PIK3C2G: variants seen among roughly 807,000 people sequenced by gnomAD.
PIK3C2G encodes the protein phosphatidylinositol 3-kinase C2 domain-containing subunit gamma.
Under a neutral mutation model 181.1 loss-of-function variants are expected in PIK3C2G, and 168 were observed. The ratio of observed to expected loss-of-function variants is 0.93; its 90% CI spans 0.82 to 1.05. The LOEUF (loss-of-function observed/expected upper bound fraction) is 1.05, where lower values mean the gene tolerates loss of function less well. PIK3C2G is among the 50% of genes least tolerant of loss of function. The probability of loss-of-function intolerance (pLI) is 0.00; values close to 1 mark genes in which losing one functional copy is unlikely to be tolerated. For synonymous variants in PIK3C2G, 573 were observed against 592.2 expected, an observed-to-expected ratio of 0.97 and a Z score of 0.47; for missense variants, 1,869 against 1,732.8, an observed-to-expected ratio of 1.08 and a Z score of -1.40.
At chr12:18,589,616 A>C (rs1353241604) in intron 29 of PIK3C2G, among the ~76,000 whole-genome samples, 1 of 151,974 alleles carries the variant, frequency 6.6e-6, no homozygotes, top group Non-Finnish European at 1.5e-5. Context: ...AAATACAAAG[A>C]GGATGCCTAC....
At chr12:18,380,310 C>A (rs1592112907) in intron 13 of PIK3C2G, among the ~76,000 whole-genome samples, 1 of 152,166 alleles carries the variant, frequency 6.6e-6, no homozygotes, top group Admixed American at 6.5e-5. Flanking sequence ...ATCCTCCTCC[C>A]TCCTCACCTC....
At chr12:18,524,798 C>T (rs1260879100) in intron 24 of PIK3C2G, among the ~76,000 whole-genome samples, 3 of 151,838 alleles carry the variant, frequency 2.0e-5, no homozygotes, top group African/African-American at 4.8e-5. Context: ...AAACTCCTGA[C>T]CTCAGGTGAT....
chr12:18,395,084 CTTCTTTCT>C (rs1211076005), intron 15 of PIK3C2G, among the ~76,000 whole-genome samples: 2 of 141,482 alleles, frequency 1.4e-5, no homozygotes. Context: ...TCTTTCATTC[CTTCTTTCT>C]TTCTTTCTTT....
chr12:18,407,063 C>T (rs1271574373), intron 16 of PIK3C2G, among the ~76,000 whole-genome samples: 4 of 151,890 alleles, frequency 2.6e-5, no homozygotes, highest in Non-Finnish European at 5.9e-5. Context: ...TATTATATAC[C>T]TCCTAGGGTT....
chr12:18,644,167 T>G (rs550170086), intron 32 of PIK3C2G, among the ~76,000 whole-genome samples: 3 of 152,118 alleles, frequency 2.0e-5, no homozygotes, highest in South Asian at 4.2e-4. Context: ...TGAGCCCCAA[T>G]AGGCTTCATC....
intron 19 of PIK3C2G, among the ~76,000 whole-genome samples, chr12:18,491,138 G>A (rs1414355168): frequency 6.6e-6 from 1 of 152,140 alleles, no homozygotes; most frequent in Non-Finnish European, 1.5e-5. Context: ...TGGCGGCCAC[G>A]CAGGTCAAGT....
At chr12:18,568,827 A>G (rs1945775902) in intron 29 of PIK3C2G, among the ~76,000 whole-genome samples, 1 of 152,160 alleles carries the variant, frequency 6.6e-6, no homozygotes, top group Non-Finnish European at 1.5e-5. Context: ...GCCCCTCACC[A>G]CTTTGGTAGA....
chr12:18,632,729 A>G (rs1949404389), intron 31 of PIK3C2G, among the ~76,000 whole-genome samples: 1 of 152,176 alleles, frequency 6.6e-6, no homozygotes, highest in African/African-American at 2.4e-5. Context: ...GTCCCAGCTG[A>G]AACAGGAAGG....
upstream of PIK3C2G, among the ~76,000 whole-genome samples, chr12:18,257,776 A>AAAAG (rs909237918): frequency 1.3e-5 from 2 of 151,454 alleles, no homozygotes; most frequent in African/African-American, 4.8e-5. Context: ...AAGAAGAAGA[A>AAAAG]AAAGAAAGAA....
chr12:18,364,134 A>C (rs993197729), intron 12 of PIK3C2G, among the ~76,000 whole-genome samples: 1 of 152,064 alleles, frequency 6.6e-6, no homozygotes, highest in African/African-American at 2.4e-5. Flanking sequence ...AATTAACCCC[A>C]TTCCCCGTTC....
At chr12:18,558,111 A>C (rs575615886) in intron 26 of PIK3C2G, among the ~76,000 whole-genome samples, 1 of 152,306 alleles carries the variant, frequency 6.6e-6, no homozygotes, top group East Asian at 1.9e-4. Context: ...GATGTACTAT[A>C]AAGTTCCAGC....
At chr12:18,311,694 T>C (rs1168995405) in intron 5 of PIK3C2G, among the ~76,000 whole-genome samples, 1 of 152,012 alleles carries the variant, frequency 6.6e-6, no homozygotes, top group East Asian at 1.9e-4. Flanking sequence ...TCATTGTTTC[T>C]CTGTAATTTA....
chr12:18,534,305 G>A (rs539776700), intron 24 of PIK3C2G, among the ~76,000 whole-genome samples: 67 of 151,894 alleles, frequency 4.4e-4, no homozygotes, highest in Non-Finnish European at 6.5e-4. Context: ...ATTATTATCC[G>A]TAATATAAGT....
intron 13 of PIK3C2G, among the ~76,000 whole-genome samples, chr12:18,375,321 G>A (rs563513643): frequency 6.6e-6 from 1 of 152,352 alleles, no homozygotes; most frequent in Admixed American, 6.5e-5. Flanking sequence ...CCTTAGCAAA[G>A]AATTTGGTTG....
chr12:18,413,944 A>G (rs1945018852), intron 16 of PIK3C2G, among the ~76,000 whole-genome samples: 1 of 152,188 alleles, frequency 6.6e-6, no homozygotes, highest in East Asian at 1.9e-4. Flanking sequence ...ATGAAATGCC[A>G]ACAACTATAT....
intron 4 of PIK3C2G, among the ~76,000 whole-genome samples, chr12:18,292,867 C>T (rs976389887): frequency 2.2e-4 from 34 of 152,080 alleles, no homozygotes; most frequent in African/African-American, 4.8e-5. Flanking sequence ...TAGAGAACAA[C>T]CAACTGTGGA....
At chr12:18,428,965 G>T (rs550967752) in intron 18 of PIK3C2G, among the ~76,000 whole-genome samples, 29 of 152,282 alleles carry the variant, frequency 1.9e-4, no homozygotes, top group African/African-American at 6.7e-4. Flanking sequence ...CACTAGTCAA[G>T]TATTGAGTTG....
intron 18 of PIK3C2G, among the ~76,000 whole-genome samples, chr12:18,451,395 A>AGGAG (rs1428641660): frequency 2.0e-5 from 3 of 152,174 alleles, no homozygotes; most frequent in Non-Finnish European, 2.9e-5. Context: ...ATTGCTGTGT[A>AGGAG]GGAGTGCTTG....
At chr12:18,599,501 G>A (rs1255543918) in intron 30 of PIK3C2G, among the ~76,000 whole-genome samples, 26 of 151,834 alleles carry the variant, frequency 1.7e-4, no homozygotes, top group Non-Finnish European at 2.9e-5. Context: ...ACTGTTGTGG[G>A]GTAGGGGGAG....
Sources: allele counts gnomAD v4.1 joint callset (sites outside exome capture counted in the v4.1 genomes callset), GRCh38; gene constraint gnomAD v4.1.1; transcripts MANE v1.5; gene names NCBI Gene and HGNC (gene_info 2026-07-23, HGNC 2026-07-21).